The following GABRA3 variants were observed in gnomAD, a reference collection of about 807,000 sequenced individuals.
The protein encoded by GABRA3 is gamma-aminobutyric acid receptor subunit alpha-3.
A neutral mutation model predicts 30.1 loss-of-function variants in GABRA3; 10 were observed. The observed-to-expected ratio is 0.33, with a 90% CI of 0.20 to 0.56. The LOEUF is 0.56. GABRA3 is among the 20% of genes least tolerant of loss of function. The pLI, the probability that GABRA3 is intolerant of heterozygous loss-of-function variation, is 0.89. For synonymous variants in GABRA3, 151 were observed against 146.8 expected (o/e 1.03, Z -0.21); for missense variants, 233 against 392.0 (o/e 0.59, Z 3.42).
At chrX:152,181,781 C>T (rs1190556612) in intron 9 of GABRA3, among the ~76,000 whole-genome samples, 1 of 109,085 alleles carries the variant, frequency 9.2e-6, no homozygotes, top group Non-Finnish European at 1.9e-5. Context: ...TGTAACTAAC[C>T]TGCACATTGT....
chrX:152,175,414 A>G (rs1451847820), intron 9 of GABRA3, among the ~76,000 whole-genome samples: 1 of 111,579 alleles, frequency 9.0e-6, no homozygotes, highest in East Asian at 2.8e-4. Flanking sequence ...TTCTGCGTCT[A>G]CAATGTGACA....
chrX:152,404,047 C>A (rs774669111), intron 1 of GABRA3, among the ~76,000 whole-genome samples: 1 of 110,675 alleles, frequency 9.0e-6, no homozygotes, highest in African/African-American at 3.3e-5. Context: ...GAGTTTGGGG[C>A]CCAGTAAGGT....
At chrX:152,311,838 TAAA>T (rs199954592) in intron 3 of GABRA3, among the ~76,000 whole-genome samples, 1 of 103,756 alleles carries the variant, frequency 9.6e-6, no homozygotes, top group Non-Finnish European at 2.0e-5. Context: ...CTAGAGCTGA[TAAA>T]AAAAAAAACA....
chrX:152,422,776 A>T (rs1413767827), intron 1 of GABRA3, among the ~76,000 whole-genome samples: 1 of 110,967 alleles, frequency 9.0e-6, no homozygotes, highest in Non-Finnish European at 1.9e-5. Context: ...AACGGTAGGA[A>T]TGAACTTAAG....
At chrX:152,383,230 CA>C (rs1371220184) in intron 1 of GABRA3, among the ~76,000 whole-genome samples, 3 of 104,780 alleles carry the variant, frequency 2.9e-5, no homozygotes, top group Admixed American at 1.0e-4. Flanking sequence ...ACTGAAAATA[CA>C]AAAAAAAATT....
intron 9 of GABRA3, among the ~76,000 whole-genome samples, chrX:152,185,954 A>G (rs754384543): frequency 1.9e-4 from 21 of 112,232 alleles, no homozygotes; most frequent in African/African-American, 6.1e-4. Flanking sequence ...GCAAATGTTA[A>G]TATTTTAATT....
At chrX:152,447,055 C>T (rs1931105315) in intron 1 of GABRA3, among the ~76,000 whole-genome samples, 1 of 111,196 alleles carries the variant, frequency 9.0e-6, no homozygotes, top group Non-Finnish European at 1.9e-5. Context: ...CCTTAAAGCC[C>T]TTTGCTTCTC....
chrX:152,258,180 A>T (rs1416450412), intron 4 of GABRA3, among the ~76,000 whole-genome samples: 1 of 112,287 alleles, frequency 8.9e-6, no homozygotes, highest in Non-Finnish European at 1.9e-5. Flanking sequence ...AATTAAAATT[A>T]TAAAGGTTAT....
At chrX:152,413,979 T>C (rs1183838256) in intron 1 of GABRA3, among the ~76,000 whole-genome samples, 4 of 111,128 alleles carry the variant, frequency 3.6e-5, no homozygotes, top group South Asian at 3.7e-4. Flanking sequence ...TTTATTTCTA[T>C]ATACTAGCAA....
At chrX:152,201,490 T>G (rs183851154) in intron 7 of GABRA3, among the ~76,000 whole-genome samples, 1 of 112,447 alleles carries the variant, frequency 8.9e-6, no homozygotes, top group African/African-American at 3.2e-5. Flanking sequence ...ATTTGTTAGA[T>G]TCTCTCCCTC....
intron 5 of GABRA3, among the ~76,000 whole-genome samples, chrX:152,240,262 T>G (rs1938331470): frequency 9.6e-6 from 1 of 104,015 alleles, no homozygotes; most frequent in African/African-American, 3.8e-5. Flanking sequence ...GAAGCTTAGT[T>G]TGGCTGGATA....
At chrX:152,357,255 C>T (rs368572710) in intron 2 of GABRA3, among the ~76,000 whole-genome samples, 16 of 111,329 alleles carry the variant, frequency 1.4e-4, no homozygotes, top group African/African-American at 5.2e-4. Flanking sequence ...TTCTGAGCTC[C>T]GTATTCTGTT....
At chrX:152,196,393 C>T (rs1937387686) in intron 8 of GABRA3, among the ~76,000 whole-genome samples, 1 of 80,367 alleles carries the variant, frequency 1.2e-5, no homozygotes, top group Admixed American at 1.6e-4. Context: ...AGTGAAACTC[C>T]GTCTCAAAAA....
intron 3 of GABRA3, among the ~76,000 whole-genome samples, chrX:152,334,922 C>T (rs763115383): frequency 9.0e-6 from 1 of 111,191 alleles, no homozygotes; most frequent in East Asian, 2.8e-4. Flanking sequence ...ACACAGGGCT[C>T]TCTCTTCCCC....
At chrX:152,297,958 A>G (rs984091668) in intron 3 of GABRA3, among the ~76,000 whole-genome samples, 1 of 112,359 alleles carries the variant, frequency 8.9e-6, no homozygotes, top group African/African-American at 3.2e-5. Flanking sequence ...TGACCAAAAC[A>G]TAACTTGGAG....
intron 4 of GABRA3, among the ~76,000 whole-genome samples, chrX:152,271,542 C>T (rs1401320652): frequency 1.8e-5 from 2 of 112,117 alleles, no homozygotes; most frequent in South Asian, 3.7e-4. Context: ...GATTGGAAAA[C>T]GTTCAGCCTG....
chrX:152,237,884 T>C (rs775734858), intron 5 of GABRA3, among the ~76,000 whole-genome samples: 1 of 109,744 alleles, frequency 9.1e-6, no homozygotes, highest in Non-Finnish European at 1.9e-5. Context: ...AGCTTAAGGA[T>C]ATTTTGGGCT....
intron 1 of GABRA3, among the ~76,000 whole-genome samples, chrX:152,424,509 A>G (rs762010888): frequency 2.7e-5 from 3 of 111,679 alleles, no homozygotes; most frequent in African/African-American, 9.7e-5. Flanking sequence ...TTAGCATTTC[A>G]TAACCTGATT....
At position 152,167,413 on chromosome X, in the gene GABRA3, A is replaced by T. The variant is rs1184314966; in HGVS notation, c.*815T>A. 1 of 112,291 alleles carries T rather than the reference A, an allele frequency of 8.9e-6. No homozygotes were observed. Among genetic ancestry groups the T allele is most frequent in the Non-Finnish European group, 1.9e-5 (1 of 53,303 alleles). The allele number at this position is 112,291 out of a possible 1,213,427, so 9.3% of individuals were successfully genotyped here. A position where few individuals can be genotyped will look rare whatever the true frequency, so the allele number is the denominator to read the frequency against. ...TTTGCAACTTTTCGATATAAATAAA[A>T]AATGCTTGATCATTTTTTCCTGAAA... On this transcript the variant is annotated 3_prime_UTR_variant, in exon 10 of 10. Transcript: ENST00000370314.
Sources: allele counts gnomAD v4.1 joint callset (sites outside exome capture counted in the v4.1 genomes callset), GRCh38; gene constraint gnomAD v4.1.1; transcripts MANE v1.5; gene names NCBI Gene and HGNC (gene_info 2026-07-23, HGNC 2026-07-21).